Variants in SAMD5 observed in about 807,000 individuals in gnomAD.
SAMD5 encodes sterile alpha motif domain containing 5.
A neutral mutation model predicts 11.3 loss-of-function variants in SAMD5; 13 were observed. The observed-to-expected ratio is 1.15, with a 90% CI of 0.75 to 1.83. The LOEUF is 1.83. Among genes scored for constraint, SAMD5 ranks in the 40% most tolerant of loss-of-function variants. SAMD5 has a pLI of 0.00. For synonymous variants in SAMD5, 129 were observed against 111.3 expected, an observed-to-expected ratio of 1.16 and a Z score of -1.00; for missense variants, 255 against 239.1, an observed-to-expected ratio of 1.07 and a Z score of -0.44.
the SAMD5 span, among the ~76,000 whole-genome samples, chr6:147,954,279 C>A: frequency 2.0e-5 from 3 of 152,072 alleles, no homozygotes; most frequent in Non-Finnish European, 4.4e-5. Context: ...GATTCAAATC[C>A]ATTTTAGGAT....
At chr6:147,881,864 G>A in the SAMD5 span, among the ~76,000 whole-genome samples, 1 of 152,164 alleles carries the variant, frequency 6.6e-6, no homozygotes, top group Admixed American at 6.5e-5. Flanking sequence ...GCTTCGATCT[G>A]GGGGGATCGA....
chr6:147,682,683 A>G (rs1239234755), intron 1 of SAMD5, among the ~76,000 whole-genome samples: 1 of 152,240 alleles, frequency 6.6e-6, no homozygotes, highest in Non-Finnish European at 1.5e-5. Flanking sequence ...CAGCAATTTC[A>G]GAATTAATCA....
the SAMD5 span, among the ~76,000 whole-genome samples, chr6:147,846,924 G>T: frequency 6.6e-6 from 1 of 152,152 alleles, no homozygotes; most frequent in Non-Finnish European, 1.5e-5. Context: ...CCAAGTAATA[G>T]AAAAGTAAAG....
chr6:147,642,031 G>A (rs1454421036), intron 1 of SAMD5, among the ~76,000 whole-genome samples: 2 of 152,166 alleles, frequency 1.3e-5, no homozygotes, highest in Non-Finnish European at 2.9e-5. Context: ...AGATCCAGAA[G>A]TAATGAATTA....
intron 1 of SAMD5, among the ~76,000 whole-genome samples, chr6:147,626,023 A>T (rs1384060302): frequency 6.6e-6 from 1 of 152,102 alleles, no homozygotes; most frequent in Non-Finnish European, 1.5e-5. Context: ...CCTAAGCGGA[A>T]GTCTTCTGAT....
chr6:147,907,760 T>C, the SAMD5 span, among the ~76,000 whole-genome samples: 10 of 152,268 alleles, frequency 6.6e-5, no homozygotes, highest in African/African-American at 2.4e-4. Flanking sequence ...AATGCAGATA[T>C]TCCCAAGACA....
the SAMD5 span, among the ~76,000 whole-genome samples, chr6:147,909,601 T>TTTC: frequency 3.1e-4 from 22 of 71,686 alleles, 1 homozygote; most frequent in African/African-American, 2.0e-3. Flanking sequence ...TCTTTCTTTC[T>TTTC]TTCTTTCTTT....
the SAMD5 span, among the ~76,000 whole-genome samples, chr6:147,853,695 A>G: frequency 6.6e-6 from 1 of 152,070 alleles, no homozygotes; most frequent in Admixed American, 6.6e-5. Context: ...TTTCCTGCAA[A>G]AGAAAAACTT....
At chr6:147,620,962 C>G (rs1224255794) in intron 1 of SAMD5, among the ~76,000 whole-genome samples, 1 of 128,452 alleles carries the variant, frequency 7.8e-6, no homozygotes, top group Non-Finnish European at 1.7e-5. Flanking sequence ...GTATGTGCCT[C>G]TGTGTGTGTG....
chr6:147,725,478 T>A (rs769123939), intron 1 of SAMD5, among the ~76,000 whole-genome samples: 22 of 151,062 alleles, frequency 1.5e-4, no homozygotes, highest in Non-Finnish European at 2.8e-4. Context: ...AACCTCTGCT[T>A]CCTGGGTTCA....
intron 1 of SAMD5, among the ~76,000 whole-genome samples, chr6:147,582,245 G>A (rs565820063): frequency 8.8e-4 from 133 of 151,966 alleles, no homozygotes; most frequent in Middle Eastern, 3.4e-3. Context: ...TGTAATCCCA[G>A]CTACTTGGCT....
At chr6:147,642,211 G>A (rs1790322588) in intron 1 of SAMD5, among the ~76,000 whole-genome samples, 1 of 152,184 alleles carries the variant, frequency 6.6e-6, no homozygotes, top group East Asian at 1.9e-4. Flanking sequence ...GTTTTAAGAA[G>A]TCCATTTCCT....
At chr6:147,614,313 C>CA (rs201404229) in intron 1 of SAMD5, among the ~76,000 whole-genome samples, 3,094 of 151,636 alleles carry the variant, frequency 0.02, 150 homozygotes, top group African/African-American at 0.071. Context: ...ACTCAAAATA[C>CA]AAAAAATGAG....
the SAMD5 span, among the ~76,000 whole-genome samples, chr6:147,918,688 CTTTTTTTTT>C: frequency 1.3e-3 from 132 of 99,398 alleles, 1 homozygote; most frequent in African/African-American, 2.5e-3. Flanking sequence ...CACAAGCATT[CTTTTTTTTT>C]TTTTTTTTTT....
chr6:147,735,793 C>T (rs772133514), intron 1 of SAMD5, among the ~76,000 whole-genome samples: 99 of 152,014 alleles, frequency 6.5e-4, no homozygotes, highest in Non-Finnish European at 9.9e-4. Flanking sequence ...AGATAGTTGA[C>T]GTGTTTTTCA....
the SAMD5 span, among the ~76,000 whole-genome samples, chr6:147,863,600 C>T: frequency 6.6e-6 from 1 of 151,862 alleles, no homozygotes; most frequent in Non-Finnish European, 1.5e-5. Flanking sequence ...CCCTTTTCTC[C>T]CCTTTTGTCT....
chr6:147,608,797 T>C (rs1789738347), intron 1 of SAMD5, among the ~76,000 whole-genome samples: 1 of 152,172 alleles, frequency 6.6e-6, no homozygotes, highest in Non-Finnish European at 1.5e-5. Flanking sequence ...ATGTAAACAG[T>C]GTAATTGGAT....
At position 147,511,612 on chromosome 6, in the gene SAMD5, C is replaced by T. The variant is rs184807493; in HGVS notation, c.459+2225C>T. ...TGTTTTCATTATCTCCCTCATTGAT[C>T]CTTGAGTTGGGGACCAAAAAAAAAA... On this transcript the variant is annotated intron_variant, in intron 1 of 1. Coordinates refer to ENST00000367474, the MANE Select transcript of SAMD5 (RefSeq NM_001030060.3). Among the ~76,000 whole-genome samples the T allele has an allele frequency of 4.2e-3, 564 of 133,532 alleles. 4 individuals carry two copies. Among genetic ancestry groups the T allele is most frequent in the African/African-American group, 0.017 (528 of 30,732 alleles). 87.6% of individuals were successfully genotyped at this position (133,532 alleles called of 152,430 possible).
Position 147,567,485 on chromosome 6 carries a change from T to C in SAMD5, c.*3029T>C, listed in dbSNP as rs1014866623. The stretch of plus-strand genomic sequence containing the variant: ...CTATAGTGTAGCTTGGGGAATCATC[T>C]TGAACAGTTATGAAACTCATTAAAG... On this transcript the variant is annotated 3_prime_UTR_variant, in exon 2 of 2. Coordinates refer to ENST00000367474, the MANE Select transcript of SAMD5 (RefSeq NM_001030060.3). The C allele has an allele frequency of 1.0e-6, 1 of 975,642 alleles. No individual in the cohort carries two copies. Among genetic ancestry groups the C allele is most frequent in the Non-Finnish European group, 1.2e-6 (1 of 820,988 alleles). 60.4% of individuals were successfully genotyped at this position (975,642 alleles called of 1,614,324 possible).
Sources: allele counts gnomAD v4.1 joint callset (sites outside exome capture counted in the v4.1 genomes callset), GRCh38; gene constraint gnomAD v4.1.1; transcripts MANE v1.5; gene names NCBI Gene and HGNC (gene_info 2026-07-23, HGNC 2026-07-21).